The following SLC9A4 variants were observed in gnomAD, a reference collection of about 807,000 sequenced individuals.
The protein encoded by SLC9A4 is solute carrier family 9 member A4, also known as sodium/hydrogen exchanger 4.
Under a neutral mutation model 67.4 loss-of-function variants are expected in SLC9A4, and 63 were observed. The ratio of observed to expected loss-of-function variants is 0.93; its 90% CI spans 0.76 to 1.15. SLC9A4 has a LOEUF of 1.15. Among genes scored for constraint, SLC9A4 ranks in the 50% most tolerant of loss-of-function variants. SLC9A4 has a pLI of 0.00. For missense variants in SLC9A4, 1,089 were observed against 987.7 expected (o/e 1.10, Z -1.38); for synonymous variants, 393 against 367.2 (o/e 1.07, Z -0.80).
chr2:102,524,864 C>T (rs1011671173), intron 9 of SLC9A4, among the ~76,000 whole-genome samples, 160 bp from the exon 10 acceptor site: 4 of 152,136 alleles, frequency 2.6e-5, no homozygotes, highest in East Asian at 1.9e-4. Flanking sequence ...TTCTTCTTGG[C>T]GCTGAGGCTT....
chr2:102,524,695 G>A (rs1463893878), intron 9 of SLC9A4, among the ~76,000 whole-genome samples: 1 of 151,984 alleles, frequency 6.6e-6, no homozygotes, highest in African/African-American at 2.4e-5. Flanking sequence ...AAATTCACTG[G>A]CCTGGCATCA....
chr2:102,509,013 TA>T, intron 6 of SLC9A4, 80 bp downstream of exon 6: 1 of 1,165,942 alleles, frequency 8.6e-7, no homozygotes, highest in Non-Finnish European at 1.2e-6. Context: ...CACGTGTCAC[TA>T]GACTTCCTCT....
At chr2:102,525,276 A>T (rs1674639339) in intron 10 of SLC9A4, 121 bp downstream of exon 10, 2 of 1,434,380 alleles carry the variant, frequency 1.4e-6, no homozygotes, top group East Asian at 4.7e-5. Flanking sequence ...ACAAAACCCC[A>T]CCTTGTTACC....
intron 7 of SLC9A4, 148 bp from the exon 8 acceptor site, chr2:102,513,942 G>T: frequency 9.0e-7 from 1 of 1,106,776 alleles, no homozygotes; most frequent in East Asian, 3.0e-5. Flanking sequence ...TTTAAAAAAT[G>T]TGTTCAAATG....
intron 5 of SLC9A4, among the ~76,000 whole-genome samples, 157 bp downstream of exon 5, chr2:102,508,438 C>T (rs1422318444): frequency 6.6e-6 from 1 of 152,170 alleles, no homozygotes; most frequent in Non-Finnish European, 1.5e-5. Context: ...TTGTGACCAT[C>T]CTTTAACTTC....
chr2:102,503,417 T>A (rs764177669), intron 2 of SLC9A4, 31 bp from the exon 3 acceptor site: 41 of 1,527,534 alleles, frequency 2.7e-5, no homozygotes, highest in Admixed American at 8.1e-5. Context: ...CTATTCATAA[T>A]TCATATTTGT....
intron 2 of SLC9A4, among the ~76,000 whole-genome samples, chr2:102,481,182 GCATTA>G (rs1368354901): frequency 4.6e-5 from 7 of 152,082 alleles, no homozygotes; most frequent in Admixed American, 4.6e-4. Flanking sequence ...AAATATCGTG[GCATTA>G]CATAATATCA....
At position 102,514,229 on chromosome 2, in the gene SLC9A4, A is replaced by G. The variant is rs1573350385; in HGVS notation, c.1699A>G (p.Thr567Ala). 1.9e-6 allele frequency: 3 copies of G among 1,613,724 alleles called. No homozygotes were observed. Among genetic ancestry groups the G allele is most frequent in the South Asian group, 1.1e-5 (1 of 90,998 alleles). Reference protein sequence around the residue: ...EMVETGILSSTAFSIPHQAQR... With the variant: ...EMVETGILSSAAFSIPHQAQR... ...GGTGGAGACTGGGATACTGAGCTCT[A>G]CAGCTTTCTCCATACCCCATCAGTG... Residue 567 changes from threonine to alanine, a missense_variant, in exon 8 of 12, where the codon ACA becomes GCA. By Grantham distance (58) the Thr-to-Ala change is moderately conservative. Coordinates refer to ENST00000295269, the MANE Select transcript of SLC9A4 (RefSeq NM_001011552.4).
At chr2:102,514,891 G>A (rs1037503430) in intron 8 of SLC9A4, among the ~76,000 whole-genome samples, 1 of 152,154 alleles carries the variant, frequency 6.6e-6, no homozygotes, top group South Asian at 2.1e-4. Context: ...ATAGGGAGGG[G>A]TGATACTGGA....
At chr2:102,516,963 A>AT (rs1219009083) in intron 8 of SLC9A4, among the ~76,000 whole-genome samples, 1 of 152,184 alleles carries the variant, frequency 6.6e-6, no homozygotes, top group African/African-American at 2.4e-5. Context: ...TTAATGTGTC[A>AT]TTTTTTCAAA....
At chr2:102,479,977 C>T (rs6543145) in intron 2 of SLC9A4, among the ~76,000 whole-genome samples, 6 of 152,082 alleles carry the variant, frequency 3.9e-5, no homozygotes, top group Admixed American at 6.5e-5. Context: ...TAGCCAGTCC[C>T]GTTGCTCAAT....
intron 8 of SLC9A4, 67 bp downstream of exon 8, chr2:102,514,318 C>A: frequency 2.6e-6 from 3 of 1,175,894 alleles, no homozygotes; most frequent in Non-Finnish European, 2.4e-6. Context: ...TGACTCATTG[C>A]CTCATTTAAA....
At chr2:102,530,494 G>T (rs1164015778) in intron 11 of SLC9A4, among the ~76,000 whole-genome samples, 3 of 152,132 alleles carry the variant, frequency 2.0e-5, no homozygotes, top group Non-Finnish European at 4.4e-5. Context: ...GCTCTCAGCC[G>T]AGTGAAACTT....
rs61708027 is a variant in SLC9A4, at chr2:102,491,317, C to CTTTTTTT, written c.720+12044_720+12050dup. On this transcript the variant is annotated intron_variant, in intron 2 of 11. Transcript: ENST00000295269. ...ATTTCTCTTCCCATTTGTACTAATG[C>CTTTTTTT]TTTTTTTTTTTTTTTTTTTTTTTTT... is the stretch of plus-strand genomic sequence containing the variant. 2.9e-3 allele frequency among the ~76,000 whole-genome samples: 134 copies of CTTTTTTT among 45,754 alleles called. 13 individuals are homozygous for CTTTTTTT. The highest frequency in any genetic ancestry group is 0.042 in the Middle Eastern group (2 of 48). 30.0% of individuals were successfully genotyped at this position (45,754 alleles called of 152,430 possible).
intron 2 of SLC9A4, among the ~76,000 whole-genome samples, chr2:102,496,875 T>C (rs1684821071): frequency 6.6e-6 from 1 of 152,240 alleles, no homozygotes; most frequent in African/African-American, 2.4e-5. Context: ...CAAGATGAGG[T>C]TGCTTCAGTC....
intron 9 of SLC9A4, among the ~76,000 whole-genome samples, chr2:102,522,270 T>C (rs534803622): frequency 2.6e-5 from 4 of 152,206 alleles, no homozygotes; most frequent in African/African-American, 9.6e-5. Context: ...TTCAGTTTCC[T>C]TTAGCAAATA....
Position 102,503,781 on chromosome 2 carries a change from T to A in SLC9A4, c.980+74T>A. 3.9e-6 allele frequency: 6 copies of A among 1,547,924 alleles called. No homozygotes were observed. In the South Asian group the frequency reaches 7.4e-5, roughly 19 times the overall value. ...AGAACCACATCACATGAGCCAGGCA[T>A]CTGGGAAAGACATAACCAATGACGC... On this transcript the variant is annotated intron_variant, in intron 3 of 11. Coordinates refer to ENST00000295269, the MANE Select transcript of SLC9A4 (RefSeq NM_001011552.4).
intron 2 of SLC9A4, among the ~76,000 whole-genome samples, chr2:102,483,450 C>T (rs1004962302): frequency 6.6e-6 from 1 of 152,188 alleles, no homozygotes; most frequent in Non-Finnish European, 1.5e-5. Flanking sequence ...GAGGCTGAGT[C>T]ATCCAGAAGG....
intron 2 of SLC9A4, among the ~76,000 whole-genome samples, chr2:102,502,912 AG>A (rs755635626): frequency 3.9e-5 from 6 of 152,222 alleles, no homozygotes; most frequent in Non-Finnish European, 8.8e-5. Flanking sequence ...ACCAGGCCAA[AG>A]CCGCAGGGTT....
Sources: gnomAD v4.1 joint callset for allele counts (sites outside exome capture counted in the v4.1 genomes callset) on GRCh38, gnomAD v4.1.1 for gene constraint, MANE v1.5 for transcripts, NCBI Gene and HGNC (gene_info 2026-07-23, HGNC 2026-07-21) for gene names.